Variants in DDX50 observed in about 807,000 individuals in gnomAD.
DDX50 encodes DExD-box helicase 50, also known as ATP-dependent RNA helicase DDX50.
Under a neutral mutation model 94.8 loss-of-function variants are expected in DDX50, and 56 were observed. The observed-to-expected ratio is 0.59, with a 90% CI of 0.48 to 0.74. The LOEUF (loss-of-function observed/expected upper bound fraction) is 0.74, where lower values mean the gene tolerates loss of function less well. Ranked by LOEUF, DDX50 falls within the 30% of genes least tolerant of loss-of-function variation. The pLI is 0.00. For missense variants in DDX50, 713 were observed against 881.2 expected, an observed-to-expected ratio of 0.81 and a Z score of 2.42; for synonymous variants, 264 against 295.4, an observed-to-expected ratio of 0.89 and a Z score of 1.09.
intron 8 of DDX50, among the ~76,000 whole-genome samples, chr10:68,923,943 T>C (rs891251295): frequency 4.1e-5 from 1 of 24,360 alleles, no homozygotes; most frequent in Non-Finnish European, 7.6e-5. Flanking sequence ...TCTGCTTTTT[T>C]TTTTTTTTTT....
chr10:68,927,613 G>A (rs1345201612), intron 8 of DDX50, among the ~76,000 whole-genome samples: 1 of 152,050 alleles, frequency 6.6e-6, no homozygotes, highest in African/African-American at 2.4e-5. Context: ...TTTAAGAAGT[G>A]GTATTTCAAG....
At chr10:68,908,390 G>T (rs1334376804) in intron 2 of DDX50, among the ~76,000 whole-genome samples, 1 of 143,990 alleles carries the variant, frequency 6.9e-6, no homozygotes, top group East Asian at 2.1e-4. Context: ...AGTGGAGGTT[G>T]CAGTGAGCCG....
intron 8 of DDX50, among the ~76,000 whole-genome samples, chr10:68,922,958 G>A (rs1317521973): frequency 2.0e-5 from 3 of 150,296 alleles, no homozygotes; most frequent in African/African-American, 4.9e-5. Flanking sequence ...CACCCAGCTA[G>A]TTTTTGTATT....
intron 7 of DDX50, among the ~76,000 whole-genome samples, chr10:68,915,725 AAAAG>A (rs1343570692): frequency 1.3e-5 from 2 of 152,020 alleles, no homozygotes; most frequent in East Asian, 1.9e-4. Flanking sequence ...AAAAAAAAAA[AAAAG>A]AAAAAAGAAC....
Position 68,903,533 on chromosome 10 carries a change from G to A in DDX50, c.87+2062G>A, listed in dbSNP as rs557411335. On this transcript the variant is annotated intron_variant, in intron 1 of 14. Coordinates refer to ENST00000373585, the MANE Select transcript of DDX50 (RefSeq NM_024045.2). ...ATACCAAAAAAGGCCAGGTGCGGTGGCTCACGTCTGTAATGCCGGCATTTT... is the reference window on the plus strand; with the variant it reads ...ATACCAAAAAAGGCCAGGTGCGGTGACTCACGTCTGTAATGCCGGCATTTT... Among the ~76,000 whole-genome samples, 13 of 151,994 alleles carry A rather than the reference G, an allele frequency of 8.6e-5. No individual in the cohort carries two copies. In the South Asian group the frequency reaches 2.7e-3, roughly 32 times the overall value.
intron 6 of DDX50, 136 bp downstream of exon 6, chr10:68,913,712 C>A: frequency 2.4e-6 from 2 of 835,364 alleles, no homozygotes; most frequent in East Asian, 2.9e-5. Context: ...TCTGTTCTGT[C>A]CTTGAAAAAG....
rs573102159 is a variant in DDX50, at chr10:68,910,336, C to T, written c.414C>T (p.Ala138=). 1 of 1,606,738 alleles carries T rather than the reference C, an allele frequency of 6.2e-7. No homozygotes were observed. The highest frequency in any genetic ancestry group is 1.3e-5 in the African/African-American group (1 of 74,238). The change falls in exon 3 of 15, where the codon GCC becomes GCT. Residue 138 remains alanine (A), a synonymous_variant. Transcript: ENST00000373585. ...TAACACGTGAACAGAAAGAAGGAGC[C>T]TTCTCCAATTTTCCTATTTCTGAAG... is the stretch of plus-strand genomic sequence containing the variant. ...ETLTREQKEG[A]FSNFPISEET...
chr10:68,934,948 T>C lies in DDX50; in HGVS notation c.1521+30T>C. The C allele has an allele frequency of 6.2e-7, 1 of 1,604,068 alleles. No homozygotes were observed. Among genetic ancestry groups the C allele is most frequent in the Non-Finnish European group, 8.5e-7 (1 of 1,175,558 alleles). Reference sequence around the variant, plus strand: ...GTAGAGTTAAATTATTTCAGGCTTATTGTCTAAATGGTGCCTTAAAAGAGA... The same window carrying C: ...GTAGAGTTAAATTATTTCAGGCTTACTGTCTAAATGGTGCCTTAAAAGAGA... On this transcript the variant is annotated intron_variant, in intron 10 of 14. Transcript: ENST00000373585. The surrounding 1 kb of genome is among the most constrained non-coding windows in gnomAD (Gnocchi z 4.0).
intron 8 of DDX50, among the ~76,000 whole-genome samples, chr10:68,921,073 T>C (rs1447466269): frequency 6.6e-6 from 1 of 152,064 alleles, no homozygotes; most frequent in Non-Finnish European, 1.5e-5. Flanking sequence ...GTAATTATTT[T>C]ATCTATATGC....
In DDX50 at chr10:68,919,815, A is replaced by G; in HGVS notation, c.1090-17A>G. On this transcript the variant is annotated splice_polypyrimidine_tract_variant and intron_variant, in intron 7 of 14. Transcript: ENST00000373585. Reference sequence around the variant, plus strand: ...ATTTTAATGAAACAAATAATGTGGTATTTTCTTTCTTCAAAGCATTTGGCC... The same window carrying G: ...ATTTTAATGAAACAAATAATGTGGTGTTTTCTTTCTTCAAAGCATTTGGCC... 1 of 1,605,672 alleles carries G rather than the reference A, an allele frequency of 6.2e-7. No individual in the cohort carries two copies. The highest frequency in any genetic ancestry group is 8.5e-7 in the Non-Finnish European group (1 of 1,178,558).
At chr10:68,936,530 A>G (rs1379736436) in intron 11 of DDX50, among the ~76,000 whole-genome samples, 2 of 78,462 alleles carry the variant, frequency 2.5e-5, no homozygotes, top group Non-Finnish European at 4.6e-5. Flanking sequence ...ATATATATAT[A>G]TATATATATA....
In DDX50 at chr10:68,916,222, C is replaced by T. The variant is rs192063253; in HGVS notation, c.1089+2018C>T. Reference sequence around the variant, plus strand: ...TACAAAAATTGGCTGGGCATAGTTGCGCACGCCTGTAGTCCCAACTACTCG... The same window carrying T: ...TACAAAAATTGGCTGGGCATAGTTGTGCACGCCTGTAGTCCCAACTACTCG... On this transcript the variant is annotated intron_variant, in intron 7 of 14. Transcript: ENST00000373585. Among the ~76,000 whole-genome samples, 7 of 151,968 alleles carry T rather than the reference C, an allele frequency of 4.6e-5. No homozygotes were observed. In the East Asian group the frequency reaches 9.7e-4, roughly 21 times the overall value.
chr10:68,936,515 AATATATATATATATAT>A lies in DDX50; in HGVS notation c.1596-401_1596-386del, dbSNP rs869117307. On this transcript the variant is annotated intron_variant, in intron 11 of 14. Coordinates refer to ENST00000373585, the MANE Select transcript of DDX50 (RefSeq NM_024045.2). ...AAAAAAAAAAAAAAAAAAAAAAAAA[AATATATATATATATAT>A]ATATATATATATATATATAAAATGT... 5.6e-3 allele frequency among the ~76,000 whole-genome samples: 299 copies of A among 53,136 alleles called. 3 individuals carry two copies. The highest frequency in any genetic ancestry group is 0.011 in the South Asian group (11 of 1,000). 34.9% of individuals were successfully genotyped at this position (53,136 alleles called of 152,430 possible).
At chr10:68,928,975 A>G (rs1254902217) in intron 8 of DDX50, among the ~76,000 whole-genome samples, 1 of 151,354 alleles carries the variant, frequency 6.6e-6, no homozygotes, top group Non-Finnish European at 1.5e-5. Context: ...TTTGAGACGG[A>G]GTCTTGCTCT....
rs1306143729 is a variant in DDX50, at chr10:68,934,636, T to C, written c.1402-163T>C. Among the ~76,000 whole-genome samples the C allele has an allele frequency of 1.3e-5, 2 of 152,090 alleles. No homozygotes were observed. The highest frequency in any genetic ancestry group is 2.9e-5 in the Non-Finnish European group (2 of 68,012). On this transcript the variant is annotated intron_variant, in intron 9 of 14. Transcript: ENST00000373585. This position sits in a 1 kb window ranked among gnomAD's most constrained non-coding sequence, Gnocchi z 4.0. ...ATGAGGTGGATTAAAAGGTTTTAAA[T>C]CATATTGCCTTTACCCCAAAATCCA...
intron 2 of DDX50, among the ~76,000 whole-genome samples, chr10:68,909,115 C>T (rs1386865481): frequency 6.6e-5 from 10 of 152,186 alleles, no homozygotes; most frequent in Non-Finnish European, 1.5e-4. Context: ...CATGAGCCAC[C>T]ACGCCTGGCC....
Position 68,936,030 on chromosome 10 carries a change from G to T in DDX50, c.1546G>T (p.Val516Phe). Residue 516 changes from valine (V) to phenylalanine (F), a missense_variant, in exon 11 of 15, where the codon GTT becomes TTT. Coordinates refer to ENST00000373585, the MANE Select transcript of DDX50 (RefSeq NM_024045.2). ...GGGAATTACTTTTAAACGTGTAGGTGTTCCTTCTACAATGGATTTAGTTAA... is the reference window on the plus strand; with the variant it reads ...GGGAATTACTTTTAAACGTGTAGGTTTTCCTTCTACAATGGATTTAGTTAA... ...KAGITFKRVG[V>F]PSTMDLVKSK... is the part of the protein sequence containing the mutation. The T allele has an allele frequency of 6.2e-7, 1 of 1,609,622 alleles. No homozygotes were observed. Among genetic ancestry groups the T allele is most frequent in the Non-Finnish European group, 8.5e-7 (1 of 1,178,284 alleles).
chr10:68,918,027 C>T (rs112385964), intron 7 of DDX50, among the ~76,000 whole-genome samples: 9,070 of 151,918 alleles, frequency 0.06, 874 homozygotes, highest in African/African-American at 0.2. Flanking sequence ...GGGGTTCAAG[C>T]GATTCTCCTG....
chr10:68,933,300 C>T (rs978215222), intron 8 of DDX50, among the ~76,000 whole-genome samples: 1 of 152,200 alleles, frequency 6.6e-6, no homozygotes, highest in African/African-American at 2.4e-5. Flanking sequence ...AAACTCCTGA[C>T]CTCGGGTGAT....
Sources: allele counts gnomAD v4.1 joint callset (sites outside exome capture counted in the v4.1 genomes callset), GRCh38; gene constraint gnomAD v4.1.1; non-coding constraint Gnocchi (gnomAD v3.1); transcripts MANE v1.5; gene names NCBI Gene and HGNC (gene_info 2026-07-23, HGNC 2026-07-21).